SH3RF3: variants seen among roughly 807,000 people sequenced by gnomAD.
SH3RF3 encodes the protein SH3 domain containing ring finger 3.
Under a neutral mutation model 66.3 loss-of-function variants are expected in SH3RF3, and 29 were observed. The observed-to-expected ratio is 0.44, with a 90% CI of 0.33 to 0.60. The LOEUF is 0.60. SH3RF3 is among the 20% of genes least tolerant of loss of function. The pLI is 0.04. For synonymous variants in SH3RF3, 583 were observed against 532.0 expected (o/e 1.10, Z -1.32); for missense variants, 1,194 against 1,190.9 (o/e 1.00, Z -0.04).
chr2:109,393,520 GA>G (rs2104420747), intron 3 of SH3RF3, among the ~76,000 whole-genome samples: 2 of 152,278 alleles, frequency 1.3e-5, no homozygotes, highest in South Asian at 4.1e-4. Flanking sequence ...CAGAGCCCAG[GA>G]CACAGTAGGT....
chr2:109,284,063 T>A lies in SH3RF3; in HGVS notation c.574-63611T>A, dbSNP rs62152178. Among the ~76,000 whole-genome samples, 1,342 of 152,156 alleles carry A rather than the reference T, an allele frequency of 8.8e-3. 10 individuals carry two copies. Among genetic ancestry groups the A allele is most frequent in the Non-Finnish European group, 0.015 (1,027 of 67,976 alleles). ...GGCTGCCTTCTCACTTGCTGTCACC[T>A]CCCTTGTCCTGCCCCCTGGCCTTCC... is the stretch of plus-strand genomic sequence containing the variant. On this transcript the variant is annotated intron_variant, in intron 1 of 9. Transcript: ENST00000309415.
chr2:109,307,883 T>C (rs1255701663), intron 1 of SH3RF3, among the ~76,000 whole-genome samples: 1 of 125,234 alleles, frequency 8.0e-6, no homozygotes, highest in Non-Finnish European at 1.6e-5. Flanking sequence ...GCAGTAAACA[T>C]ACGTGTGCAT....
intron 1 of SH3RF3, chr2:109,251,361 G>C: frequency 1.7e-6 from 1 of 604,780 alleles, no homozygotes; most frequent in South Asian, 1.5e-5. Context: ...CCTGCCGCGG[G>C]AGCATGAGGG....
chr2:109,149,063 G>T (rs956398838), intron 1 of SH3RF3, among the ~76,000 whole-genome samples: 2 of 152,074 alleles, frequency 1.3e-5, no homozygotes, highest in African/African-American at 2.4e-5. Context: ...CCTTCCTTCA[G>T]AGGCTTCAAT....
At chr2:109,178,684 T>C (rs1254253127) in intron 1 of SH3RF3, among the ~76,000 whole-genome samples, 1 of 152,220 alleles carries the variant, frequency 6.6e-6, no homozygotes, top group Non-Finnish European at 1.5e-5. Context: ...AGGAATTCAC[T>C]TTGTCAAAGT....
chr2:109,225,526 G>A (rs573907323), intron 1 of SH3RF3, among the ~76,000 whole-genome samples: 119 of 152,354 alleles, frequency 7.8e-4, no homozygotes, highest in South Asian at 1.7e-3. Context: ...CACTCACCAT[G>A]TGGAGTTTTC....
chr2:109,146,892 C>CT (rs1276092476), intron 1 of SH3RF3, among the ~76,000 whole-genome samples: 1 of 88,410 alleles, frequency 1.1e-5, no homozygotes, highest in Admixed American at 1.3e-4. Context: ...CCCTCCCCCC[C>CT]CCCCCCCCCG....
chr2:109,255,811 CTGTT>C (rs2105274088), intron 1 of SH3RF3, among the ~76,000 whole-genome samples: 1 of 152,334 alleles, frequency 6.6e-6, no homozygotes, highest in South Asian at 2.1e-4. Flanking sequence ...GCCCTGCCGA[CTGTT>C]TGTGCTTTTA....
At chr2:109,340,092 G>C (rs541303054) in intron 1 of SH3RF3, among the ~76,000 whole-genome samples, 1 of 152,310 alleles carries the variant, frequency 6.6e-6, no homozygotes, top group African/African-American at 2.4e-5. Flanking sequence ...GGGAGTGTCT[G>C]GTGGGGAGTA....
chr2:109,129,476 T>C lies in SH3RF3; in HGVS notation c.-65T>C, dbSNP rs1676624021. 1 of 1,494,154 alleles carries C rather than the reference T, an allele frequency of 6.7e-7. No homozygotes were observed. Among genetic ancestry groups the C allele is most frequent in the Non-Finnish European group, 8.9e-7 (1 of 1,127,756 alleles). 92.6% of individuals were successfully genotyped at this position (1,494,154 alleles called of 1,614,324 possible). A position where few individuals can be genotyped will look rare whatever the true frequency, so the allele number is the denominator to read the frequency against. ...CCCCAGTCCTGATGCTGGCTGCCGGTGGCGGGCTCCACGCCGGCCCCGGGA... is the reference window on the plus strand; with the variant it reads ...CCCCAGTCCTGATGCTGGCTGCCGGCGGCGGGCTCCACGCCGGCCCCGGGA... On this transcript the variant is annotated 5_prime_UTR_variant, in exon 1 of 10. Transcript: ENST00000309415.
intron 1 of SH3RF3, among the ~76,000 whole-genome samples, chr2:109,340,696 A>G: frequency 6.6e-6 from 1 of 152,156 alleles, no homozygotes; most frequent in East Asian, 1.9e-4. Flanking sequence ...TCATTAAGAG[A>G]CACAAAGCTC....
intron 8 of SH3RF3, among the ~76,000 whole-genome samples, chr2:109,450,778 G>C (rs1475511542): frequency 6.6e-6 from 1 of 152,208 alleles, no homozygotes; most frequent in African/African-American, 2.4e-5. Context: ...GCTGGGTGCT[G>C]GGCAAGGAGC....
chr2:109,500,330 G>A (rs1679356890), intron 9 of SH3RF3, among the ~76,000 whole-genome samples: 2 of 152,144 alleles, frequency 1.3e-5, no homozygotes, highest in African/African-American at 4.8e-5. Flanking sequence ...GTTGCCAGGA[G>A]CACCTGCCAC....
rs772665739 is a variant in SH3RF3 at position 109,449,393 on chromosome 2, C to G, written c.2052C>G (p.Asn684Lys). 1 of 1,612,818 alleles carries G rather than the reference C, an allele frequency of 6.2e-7. No homozygotes were observed. The highest frequency in any genetic ancestry group is 1.1e-5 in the South Asian group (1 of 90,860). Reference protein sequence around the residue: ...AITPPNVSAANLNGEAGGGPI... With the variant: ...AITPPNVSAAKLNGEAGGGPI... ...CACCTCCCAACGTCAGTGCCGCAAA[C>G]CTCAACGGGGAGGCTGGAGGGGGGC... The change falls in exon 8 of 10, where the codon AAC (asparagine) becomes AAG (lysine). Residue 684 changes from asparagine to lysine, a missense_variant. Transcript: ENST00000309415.
chr2:109,139,460 T>C (rs1398638542), intron 1 of SH3RF3, among the ~76,000 whole-genome samples: 2 of 152,212 alleles, frequency 1.3e-5, no homozygotes, highest in Non-Finnish European at 2.9e-5. Context: ...ACAACTCTCT[T>C]GTATCCTGAG....
intron 4 of SH3RF3, among the ~76,000 whole-genome samples, chr2:109,412,691 C>G (rs1036719391): frequency 8.5e-5 from 13 of 152,228 alleles, no homozygotes; most frequent in African/African-American, 3.1e-4. Context: ...CAAGTGTTAA[C>G]TCTGTTATTC....
intron 1 of SH3RF3, among the ~76,000 whole-genome samples, chr2:109,184,463 T>C (rs1405393004): frequency 6.6e-6 from 1 of 152,202 alleles, no homozygotes; most frequent in Non-Finnish European, 1.5e-5. Context: ...GGGGGAGCTC[T>C]GGTCCCCTGT....
intron 1 of SH3RF3, among the ~76,000 whole-genome samples, chr2:109,266,187 G>C (rs1680487885): frequency 6.6e-6 from 1 of 151,438 alleles, no homozygotes; most frequent in South Asian, 2.1e-4. Context: ...GCGTGCATGT[G>C]TGTGTTGTGT....
intron 1 of SH3RF3, among the ~76,000 whole-genome samples, chr2:109,150,240 G>A (rs12712030): frequency 0.7 from 106,459 of 151,898 alleles, 38,363 homozygotes; most frequent in African/African-American, 0.77. Flanking sequence ...GTGTTCCAGC[G>A]GAGGGAATGG....
Sources: allele counts gnomAD v4.1 joint callset (sites outside exome capture counted in the v4.1 genomes callset), GRCh38; gene constraint gnomAD v4.1.1; transcripts MANE v1.5; gene names NCBI Gene and HGNC (gene_info 2026-07-23, HGNC 2026-07-21).